The following RC3H2 variants were observed in gnomAD, a reference collection of about 807,000 sequenced individuals.
RC3H2 encodes ring finger and CCCH-type domains 2, also known as roquin-2.
Under a neutral mutation model 133.3 loss-of-function variants are expected in RC3H2, and 31 were observed. The observed-to-expected ratio is 0.23, with a 90% confidence interval of 0.17 to 0.31. The LOEUF (loss-of-function observed/expected upper bound fraction) is 0.31. RC3H2 is among the 10% of genes least tolerant of loss of function. The probability of loss-of-function intolerance (pLI) is 1.00; values close to 1 mark genes in which losing one functional copy is unlikely to be tolerated. For synonymous variants in RC3H2, 517 were observed against 502.2 expected, an observed-to-expected ratio of 1.03 and a Z score of -0.40; for missense variants, 1,175 against 1,437.2, an observed-to-expected ratio of 0.82 and a Z score of 2.95.
Position 122,905,193 on chromosome 9 carries a change from C to G in RC3H2, c.-151G>C, listed in dbSNP as rs1288348591. On this transcript the variant is annotated 5_prime_UTR_variant, in exon 1 of 21. Transcript: ENST00000357244. ...GCTTGGCGACGGAGGCGCCTCGTCTCGCCGGGGCAGAGCTCGGCGGAGGTT... is the reference window on the plus strand; with the variant it reads ...GCTTGGCGACGGAGGCGCCTCGTCTGGCCGGGGCAGAGCTCGGCGGAGGTT... 7 of 985,348 alleles carry G rather than the reference C, an allele frequency of 7.1e-6. No homozygotes were observed. The highest frequency in any genetic ancestry group is 8.4e-6 in the Non-Finnish European group (7 of 829,948). The allele number at this position is 985,348 out of a possible 1,614,324, so 61.0% of individuals were successfully genotyped here. A position where few individuals can be genotyped will look rare whatever the true frequency, so the allele number is the denominator to read the frequency against.
In RC3H2 at chr9:122,880,143, G is replaced by T; in HGVS notation, c.961-18C>A. 1.9e-6 allele frequency: 3 copies of T among 1,613,330 alleles called. No individual in the cohort carries two copies. The highest frequency in any genetic ancestry group is 2.5e-6 in the Non-Finnish European group (3 of 1,179,388). On this transcript the variant is annotated intron_variant, in intron 6 of 20. Coordinates refer to ENST00000357244, the MANE Select transcript of RC3H2 (RefSeq NM_001100588.3). Reference sequence around the variant, plus strand: ...GACTGTAGCTAACAAACAGAAATGAGAATGCTTTTTACTTTGGTTCTTATG... The same window carrying T: ...GACTGTAGCTAACAAACAGAAATGATAATGCTTTTTACTTTGGTTCTTATG...
chr9:122,885,039 G>C (rs964203957), intron 4 of RC3H2, among the ~76,000 whole-genome samples: 1 of 151,914 alleles, frequency 6.6e-6, no homozygotes, highest in South Asian at 2.1e-4. Context: ...TACTATAAAA[G>C]ATATTTTTGG....
chr9:122,846,648 T>G lies in RC3H2; in HGVS notation c.*2979A>C, dbSNP rs1435883172. 1 of 152,202 alleles carries G rather than the reference T, an allele frequency of 6.6e-6. No individual in the cohort carries two copies. The highest frequency in any genetic ancestry group is 6.5e-5 in the Admixed American group (1 of 15,270). 9.4% of individuals were successfully genotyped at this position (152,202 alleles called of 1,614,324 possible). On this transcript the variant is annotated 3_prime_UTR_variant, in exon 21 of 21. Transcript: ENST00000357244. ...TCCTGCTTTCCAGACCTCAGACTAT[T>G]TTTTCTGATTAGACAATAGGTAACA...
intron 4 of RC3H2, among the ~76,000 whole-genome samples, chr9:122,884,305 T>C (rs1408797396): frequency 6.6e-6 from 1 of 151,692 alleles, no homozygotes; most frequent in Non-Finnish European, 1.5e-5. Context: ...AAAAAAAAAT[T>C]AAACACACAG....
At chr9:122,859,495 G>A (rs549920370) in intron 11 of RC3H2, among the ~76,000 whole-genome samples, 5 of 152,072 alleles carry the variant, frequency 3.3e-5, no homozygotes, top group Admixed American at 6.6e-5. Context: ...ACAGACGGAT[G>A]GTAAATATCC....
In RC3H2 at chr9:122,853,995, G is replaced by T. The variant is rs767183931; in HGVS notation, c.3074C>A (p.Thr1025Asn). The change falls in exon 18 of 21, where the codon ACC becomes AAC. Residue 1025 changes from threonine to asparagine, a missense_variant. Around this residue, in one of 8 missense-constraint regions of RC3H2, gnomAD observed 220 missense variants for 201.1 expected, o/e 1.09. Transcript: ENST00000357244. ...AATTTCCTTGCTTAAAAGGTTTAAG[G>T]TAAGGTGACGGCCTTCATCCAGGGA... Reference protein sequence around the residue: ...WNSLDEGRHLTLNLLSKEIEL... With the variant: ...WNSLDEGRHLNLNLLSKEIEL... The T allele has an allele frequency of 1.2e-6, 2 of 1,614,186 alleles. No individual in the cohort carries two copies. Among genetic ancestry groups the T allele is most frequent in the Non-Finnish European group, 1.7e-6 (2 of 1,180,026 alleles).
At position 122,847,546 on chromosome 9, in the gene RC3H2, T is replaced by C. The variant is rs992525609; in HGVS notation, c.*2081A>G. 6 of 152,132 alleles carry C rather than the reference T, an allele frequency of 3.9e-5. No homozygotes were observed. Among genetic ancestry groups the C allele is most frequent in the South Asian group, 2.1e-4 (1 of 4,830 alleles). The allele number at this position is 152,132 out of a possible 1,614,324, so 9.4% of individuals were successfully genotyped here. ...AATTACAAACAGCAAATAAAGTACA[T>C]TGGAAGCATTTCAAATGTAATAAGC... On this transcript the variant is annotated 3_prime_UTR_variant, in exon 21 of 21. Coordinates refer to ENST00000357244, the MANE Select transcript of RC3H2 (RefSeq NM_001100588.3).
chr9:122,878,921 G>GT (rs1564304780), intron 8 of RC3H2, among the ~76,000 whole-genome samples: 1 of 141,660 alleles, frequency 7.1e-6, no homozygotes, highest in African/African-American at 2.5e-5. Context: ...GCTCATTTTT[G>GT]TATTTTTTTT....
chr9:122,876,711 A>C (rs980850959), intron 9 of RC3H2, among the ~76,000 whole-genome samples: 1 of 152,162 alleles, frequency 6.6e-6, no homozygotes, highest in African/African-American at 2.4e-5. Flanking sequence ...CAAAAATGAA[A>C]GTCTTAGTTA....
rs1259216434 is a variant in RC3H2, at chr9:122,852,444, G to A, written c.3118-1008C>T. 3.3e-5 allele frequency among the ~76,000 whole-genome samples: 5 copies of A among 149,610 alleles called. No homozygotes were observed. The East Asian group carries it at 6.1e-4, about 18-fold the overall frequency. On this transcript the variant is annotated intron_variant, in intron 18 of 20. Transcript: ENST00000357244. ...CCCCGCCTGGCCAGCCGCCCCGTCC[G>A]GGAGGTGAGGGGCGCCTCTGCCCGG...
chr9:122,872,016 G>A (rs1831124484), intron 9 of RC3H2, among the ~76,000 whole-genome samples: 1 of 152,036 alleles, frequency 6.6e-6, no homozygotes, highest in African/African-American at 2.4e-5. Flanking sequence ...GAGCTCAAGT[G>A]ATCTTCTTGC....
Position 122,845,616 on chromosome 9 carries a change from A to G in RC3H2, c.*4011T>C, listed in dbSNP as rs1172641421. 6.6e-6 allele frequency: 1 copy of G among 152,170 alleles called. No homozygotes were observed. The highest frequency in any genetic ancestry group is 1.5e-5 in the Non-Finnish European group (1 of 68,018). The allele number at this position is 152,170 out of a possible 1,614,324, so 9.4% of individuals were successfully genotyped here. ...TTGGAGTAAAAATAAGACTCCACTCAAATGTGGGGTGTTTTGATCTGTGGT... is the reference window on the plus strand; with the variant it reads ...TTGGAGTAAAAATAAGACTCCACTCGAATGTGGGGTGTTTTGATCTGTGGT... On this transcript the variant is annotated 3_prime_UTR_variant, in exon 21 of 21. Coordinates refer to ENST00000357244, the MANE Select transcript of RC3H2 (RefSeq NM_001100588.3).
In RC3H2 at chr9:122,863,539, T is replaced by C. The variant is rs576164653; in HGVS notation, c.1634+1810A>G. ...CTCCCAGCAATATAAAATTTTCCTGTCCTTTAATCCAACTTCAGTACTGTT... is the reference window on the plus strand; with the variant it reads ...CTCCCAGCAATATAAAATTTTCCTGCCCTTTAATCCAACTTCAGTACTGTT... On this transcript the variant is annotated intron_variant, in intron 10 of 20. Coordinates refer to ENST00000357244, the MANE Select transcript of RC3H2 (RefSeq NM_001100588.3). Among the ~76,000 whole-genome samples, 3 of 152,348 alleles carry C rather than the reference T, an allele frequency of 2.0e-5. No individual in the cohort carries two copies. In the East Asian group the frequency reaches 5.8e-4, roughly 29 times the overall value.
At chr9:122,873,253 C>G (rs2131438191) in intron 9 of RC3H2, among the ~76,000 whole-genome samples, 1 of 152,312 alleles carries the variant, frequency 6.6e-6, no homozygotes, top group South Asian at 2.1e-4. Flanking sequence ...AGGACAGTCA[C>G]ATCACCTACT....
chr9:122,871,713 T>C (rs975041898), intron 9 of RC3H2, among the ~76,000 whole-genome samples: 1 of 152,198 alleles, frequency 6.6e-6, no homozygotes, highest in Non-Finnish European at 1.5e-5. Context: ...TTGTGTTTTT[T>C]TTTCATACTG....
rs1829933139 is a variant in RC3H2 at position 122,849,273 on chromosome 9, A to G, written c.*354T>C. On this transcript the variant is annotated 3_prime_UTR_variant, in exon 21 of 21. Coordinates refer to ENST00000357244, the MANE Select transcript of RC3H2 (RefSeq NM_001100588.3). ...CATTGTAGGATCCTGCTAGTTTAAT[A>G]ACTGAGTTGTTAATTTTCTATAGAA... 1 of 152,218 alleles carries G rather than the reference A, an allele frequency of 6.6e-6. No individual in the cohort carries two copies. The highest frequency in any genetic ancestry group is 1.5e-5 in the Non-Finnish European group (1 of 68,108). The allele number at this position is 152,218 out of a possible 1,614,324, so 9.4% of individuals were successfully genotyped here. A position where few individuals can be genotyped will look rare whatever the true frequency, so the allele number is the denominator to read the frequency against.
chr9:122,899,333 G>C (rs1318672056), intron 1 of RC3H2, among the ~76,000 whole-genome samples: 1 of 151,844 alleles, frequency 6.6e-6, no homozygotes, highest in Non-Finnish European at 1.5e-5. Flanking sequence ...CAGGTGATCT[G>C]CCCACCTCAG....
At chr9:122,894,630 A>C (rs984223079) in intron 2 of RC3H2, among the ~76,000 whole-genome samples, 1 of 152,112 alleles carries the variant, frequency 6.6e-6, no homozygotes, top group Admixed American at 6.5e-5. Flanking sequence ...CTATAATCCC[A>C]GCACTTTGGG....
chr9:122,867,798 G>A (rs1346312316), intron 9 of RC3H2, among the ~76,000 whole-genome samples: 9 of 103,958 alleles, frequency 8.7e-5, no homozygotes, highest in African/African-American at 2.3e-4. Context: ...CAACCGCCCC[G>A]TCTGAGAAGT....
Sources: gnomAD v4.1 joint callset for allele counts (sites outside exome capture counted in the v4.1 genomes callset) on GRCh38, gnomAD v4.1.1 for gene constraint, gnomAD v4.1.1 regional missense constraint, MANE v1.5 for transcripts, NCBI Gene and HGNC (gene_info 2026-07-23, HGNC 2026-07-21) for gene names.